GRIA1: variants seen among roughly 807,000 people sequenced by gnomAD.
GRIA1 encodes the protein glutamate receptor 1.
A neutral mutation model predicts 99.2 loss-of-function variants in GRIA1; 31 were observed. The observed-to-expected ratio is 0.31, with a 90% CI of 0.23 to 0.42. GRIA1 has a LOEUF of 0.42. GRIA1 is among the 10% of genes least tolerant of loss of function. The pLI, the probability that GRIA1 is intolerant of heterozygous loss-of-function variation, is 1.00. For missense variants in GRIA1, 782 were observed against 1,157.5 expected (o/e 0.68, Z 4.71); for synonymous variants, 438 against 432.4 (o/e 1.01, Z -0.16).
intron 2 of GRIA1, among the ~76,000 whole-genome samples, chr5:153,599,605 T>C (rs1158562343): frequency 2.0e-5 from 3 of 152,222 alleles, no homozygotes; most frequent in Non-Finnish European, 4.4e-5. Context: ...CACTTTATTA[T>C]TTTGATTGTT....
chr5:153,688,732 T>G (rs1757521382), intron 8 of GRIA1, among the ~76,000 whole-genome samples: 1 of 152,010 alleles, frequency 6.6e-6, no homozygotes, highest in Admixed American at 6.6e-5. Context: ...TTTTTTTGTT[T>G]TTTTGGAGAC....
intron 2 of GRIA1, among the ~76,000 whole-genome samples, chr5:153,504,622 C>T (rs1454237464): frequency 6.6e-6 from 1 of 152,060 alleles, no homozygotes; most frequent in Non-Finnish European, 1.5e-5. Context: ...GAAGTCAGGA[C>T]AGGCAAAAGG....
intron 11 of GRIA1, among the ~76,000 whole-genome samples, chr5:153,742,429 C>A (rs113813228): frequency 6.6e-6 from 1 of 152,252 alleles, no homozygotes; most frequent in South Asian, 2.1e-4. Flanking sequence ...AATCTTACAG[C>A]GGCTTAAAAC....
intron 2 of GRIA1, among the ~76,000 whole-genome samples, chr5:153,628,076 A>T (rs1182798751): frequency 6.6e-6 from 1 of 152,228 alleles, no homozygotes; most frequent in Non-Finnish European, 1.5e-5. Flanking sequence ...GGAGGATCAG[A>T]CATAGTTAAT....
intron 2 of GRIA1, among the ~76,000 whole-genome samples, chr5:153,635,117 T>C (rs1351673534): frequency 6.6e-6 from 1 of 152,244 alleles, no homozygotes; most frequent in African/African-American, 2.4e-5. Flanking sequence ...AGTGTACGTT[T>C]GCTGGTTGGC....
intron 15 of GRIA1, among the ~76,000 whole-genome samples, chr5:153,804,232 C>G (rs1228316878): frequency 1.3e-5 from 2 of 152,182 alleles, no homozygotes; most frequent in African/African-American, 4.8e-5. Flanking sequence ...CCAGCTCATC[C>G]ATCTCCAGGT....
At chr5:153,714,200 A>G (rs1051982485) in intron 11 of GRIA1, among the ~76,000 whole-genome samples, 5 of 152,158 alleles carry the variant, frequency 3.3e-5, no homozygotes, top group African/African-American at 2.4e-5. Context: ...AGTCATTGCC[A>G]TGGGAACTCC....
chr5:153,809,370 T>A (rs2926835), intron 15 of GRIA1, among the ~76,000 whole-genome samples: 38,389 of 152,048 alleles, frequency 0.25, 6,264 homozygotes, highest in East Asian at 0.85. Flanking sequence ...AAGTCATGGG[T>A]TTGAGGAGGA....
intron 2 of GRIA1, among the ~76,000 whole-genome samples, chr5:153,582,570 C>T (rs1763136491): frequency 6.6e-6 from 1 of 152,118 alleles, no homozygotes; most frequent in Non-Finnish European, 1.5e-5. Flanking sequence ...CATCGTTCTG[C>T]CCCTGAATAC....
At chr5:153,615,014 A>G (rs1037008733) in intron 2 of GRIA1, among the ~76,000 whole-genome samples, 1 of 152,252 alleles carries the variant, frequency 6.6e-6, no homozygotes, top group African/African-American at 2.4e-5. Flanking sequence ...TATGCTATGG[A>G]TAACATTTTC....
chr5:153,599,990 A>C (rs1764755544), intron 2 of GRIA1, among the ~76,000 whole-genome samples: 1 of 152,112 alleles, frequency 6.6e-6, no homozygotes, highest in African/African-American at 2.4e-5. Flanking sequence ...AGGGAGATGA[A>C]GCCCGCTAGA....
chr5:153,511,841 G>A (rs1756109720), intron 2 of GRIA1, among the ~76,000 whole-genome samples: 2 of 152,152 alleles, frequency 1.3e-5, no homozygotes, highest in South Asian at 4.1e-4. Context: ...GAAAGAACTG[G>A]CAGACTCGGG....
chr5:153,539,567 G>C (rs908272368), intron 2 of GRIA1, among the ~76,000 whole-genome samples: 1 of 152,180 alleles, frequency 6.6e-6, no homozygotes, highest in Non-Finnish European at 1.5e-5. Context: ...TCACCTTCTT[G>C]TACCTCAATT....
intron 2 of GRIA1, among the ~76,000 whole-genome samples, chr5:153,551,634 C>T (rs760542125): frequency 6.6e-5 from 10 of 152,166 alleles, no homozygotes; most frequent in African/African-American, 2.4e-4. Flanking sequence ...TCAGAAGGCT[C>T]CTTCTCCCAG....
At chr5:153,528,098 G>A (rs553221703) in intron 2 of GRIA1, among the ~76,000 whole-genome samples, 12 of 152,246 alleles carry the variant, frequency 7.9e-5, no homozygotes, top group African/African-American at 2.4e-5. Flanking sequence ...TTGCGAAAAT[G>A]TGTATGTTAT....
chr5:153,614,491 C>T lies in GRIA1; in HGVS notation c.221-32437C>T, dbSNP rs923896482. 9.9e-5 allele frequency among the ~76,000 whole-genome samples: 15 copies of T among 152,130 alleles called. 1 individual carries two copies. The highest frequency in any genetic ancestry group is 3.2e-3 in the Middle Eastern group (1 of 316). ...GTAAAGTAGGTGTGATTATTATCCC[C>T]GTTTTGCAAATAAGGAAACTGGTCA... On this transcript the variant is annotated intron_variant, in intron 2 of 15. Coordinates refer to ENST00000285900, the MANE Select transcript of GRIA1 (RefSeq NM_000827.4).
intron 2 of GRIA1, among the ~76,000 whole-genome samples, chr5:153,571,437 C>T (rs940611424): frequency 6.6e-6 from 1 of 152,174 alleles, no homozygotes; most frequent in African/African-American, 2.4e-5. Context: ...CCAAAGACAA[C>T]ACATAAATGA....
chr5:153,627,383 A>G (rs189985589), intron 2 of GRIA1, among the ~76,000 whole-genome samples: 5 of 152,300 alleles, frequency 3.3e-5, no homozygotes, highest in African/African-American at 9.6e-5. Context: ...CTTGTCCACC[A>G]TCAAACCCTT....
intron 2 of GRIA1, among the ~76,000 whole-genome samples, chr5:153,536,789 C>T (rs1328306464): frequency 6.6e-6 from 1 of 152,206 alleles, no homozygotes; most frequent in African/African-American, 2.4e-5. Flanking sequence ...GGAGAAAGGG[C>T]AGAAGACTTA....
Sources: allele counts gnomAD v4.1 joint callset (sites outside exome capture counted in the v4.1 genomes callset), GRCh38; gene constraint gnomAD v4.1.1; transcripts MANE v1.5; gene names NCBI Gene and HGNC (gene_info 2026-07-23, HGNC 2026-07-21).